The following RFTN1 variants were observed in gnomAD, a reference collection of about 807,000 sequenced individuals.
RFTN1 encodes the protein raftlin.
Under a neutral mutation model 46.5 loss-of-function variants are expected in RFTN1, and 26 were observed. That is an observed-to-expected ratio of 0.56 (90% confidence interval 0.41 to 0.78). The LOEUF is 0.78. RFTN1 is among the 30% of genes least tolerant of loss of function. RFTN1 has a pLI of 0.00. For synonymous variants in RFTN1, 261 were observed against 284.2 expected (o/e 0.92, Z 0.82); for missense variants, 693 against 718.7 (o/e 0.96, Z 0.41).
Position 16,402,749 on chromosome 3 carries a change from G to A in RFTN1, c.441+6626C>T, listed in dbSNP as rs1369346475. On this transcript the variant is annotated intron_variant, in intron 4 of 9. Coordinates refer to ENST00000334133, the MANE Select transcript of RFTN1 (RefSeq NM_015150.2). This position sits in a 1 kb window ranked among gnomAD's most constrained non-coding sequence, Gnocchi z 4.5. ...TCTGTCAAGGTGCTTTCTTTAGGTT[G>A]AGGCATAAGTAGCATCATTCGGTTT... is the stretch of plus-strand genomic sequence containing the variant. 6.6e-6 allele frequency among the ~76,000 whole-genome samples: 1 copy of A among 152,168 alleles called. No homozygotes were observed. Among genetic ancestry groups the A allele is most frequent in the Non-Finnish European group, 1.5e-5 (1 of 68,038 alleles).
intron 2 of RFTN1, among the ~76,000 whole-genome samples, chr3:16,435,431 G>A (rs1356406875): frequency 6.6e-6 from 1 of 152,132 alleles, no homozygotes; most frequent in East Asian, 1.9e-4. Flanking sequence ...TTAGTCCGGT[G>A]TGGTGGTGCA....
rs980886831 is a variant in RFTN1, at chr3:16,334,896, C to T, written c.1147-8020G>A. 6.6e-6 allele frequency among the ~76,000 whole-genome samples: 1 copy of T among 152,134 alleles called. No homozygotes were observed. The highest frequency in any genetic ancestry group is 6.5e-5 in the Admixed American group (1 of 15,274). On this transcript the variant is annotated intron_variant, in intron 7 of 9. Coordinates refer to ENST00000334133, the MANE Select transcript of RFTN1 (RefSeq NM_015150.2). This position sits in a 1 kb window ranked among gnomAD's most constrained non-coding sequence, Gnocchi z 4.3. ...TCCTTATAAGGACAGGCAGGAAGGC[C>T]AGAGTCAGAGGAAGAGATGTGATGG... is the stretch of plus-strand genomic sequence containing the variant.
In RFTN1 at chr3:16,387,570, T is replaced by TTCTTTCTCTCTCTCTCTCTCTCTC. The variant is rs1224689232; in HGVS notation, c.442-9469_442-9468insGAGAGAGAGAGAGAGAGAGAAAGA. ...CACTTCTCTCTTCTATATCCTCAAT[T>TTCTTTCTCTCTCTCTCTCTCTCTC]TCTCTCTCTCTCTCTCTCTCTCTCT... On this transcript the variant is annotated intron_variant, in intron 4 of 9. Coordinates refer to ENST00000334133, the MANE Select transcript of RFTN1 (RefSeq NM_015150.2). The surrounding 1 kb of genome is among the most constrained non-coding windows in gnomAD (Gnocchi z 5.2). 2.6e-5 allele frequency among the ~76,000 whole-genome samples: 3 copies of TTCTTTCTCTCTCTCTCTCTCTCTC among 116,502 alleles called. No individual in the cohort carries two copies. The highest frequency in any genetic ancestry group is 1.2e-4 in the African/African-American group (3 of 25,616). The allele number at this position is 116,502 out of a possible 152,430, so 76.4% of individuals were successfully genotyped here. A position where few individuals can be genotyped will look rare whatever the true frequency, so the allele number is the denominator to read the frequency against.
chr3:16,403,557 G>GACACAC lies in RFTN1; in HGVS notation c.441+5812_441+5817dup, dbSNP rs201161619. 7.1e-5 allele frequency among the ~76,000 whole-genome samples: 4 copies of GACACAC among 56,176 alleles called. 1 individual carries two copies. Among genetic ancestry groups the GACACAC allele is most frequent in the African/African-American group, 3.2e-4 (4 of 12,334 alleles). 36.9% of individuals were successfully genotyped at this position (56,176 alleles called of 152,430 possible). A position where few individuals can be genotyped will look rare whatever the true frequency, so the allele number is the denominator to read the frequency against. On this transcript the variant is annotated intron_variant, in intron 4 of 9. Coordinates refer to ENST00000334133, the MANE Select transcript of RFTN1 (RefSeq NM_015150.2). ...GCAGCATATGAGAGACAGAGACAGAGACACACACACACACACATATATTAT... is the reference window on the plus strand; with the variant it reads ...GCAGCATATGAGAGACAGAGACAGAGACACACACACACACACACACACATATATTAT...
chr3:16,482,350 A>T (rs1458765052), intron 2 of RFTN1, among the ~76,000 whole-genome samples: 1 of 152,236 alleles, frequency 6.6e-6, no homozygotes, highest in East Asian at 1.9e-4. Context: ...GACAATGCTC[A>T]ACCACTCAGT....
At chr3:16,439,026 C>T (rs2125506840) in intron 2 of RFTN1, among the ~76,000 whole-genome samples, 1 of 152,228 alleles carries the variant, frequency 6.6e-6, no homozygotes. Context: ...AAAGATGTAT[C>T]TCCTGTCAAA....
At chr3:16,476,252 G>T (rs2076280352) in intron 2 of RFTN1, among the ~76,000 whole-genome samples, 1 of 152,204 alleles carries the variant, frequency 6.6e-6, no homozygotes, top group African/African-American at 2.4e-5. Context: ...AAGCTGGTGT[G>T]CATGTGCAAG....
intron 2 of RFTN1, among the ~76,000 whole-genome samples, chr3:16,445,484 C>CACACAG (rs2075712204): frequency 1.7e-4 from 1 of 5,842 alleles, no homozygotes. Context: ...CTCTCTCTCT[C>CACACAG]ACACACACAC....
At chr3:16,435,171 T>C (rs947135648) in intron 2 of RFTN1, among the ~76,000 whole-genome samples, 1 of 152,232 alleles carries the variant, frequency 6.6e-6, no homozygotes, top group Non-Finnish European at 1.5e-5. Context: ...AATCAAAGAA[T>C]TCATACAAAA....
rs111535647 is a variant in RFTN1 at position 16,428,032 on chromosome 3, T to TC, written c.332+5818dup. On this transcript the variant is annotated intron_variant, in intron 3 of 9. Coordinates refer to ENST00000334133, the MANE Select transcript of RFTN1 (RefSeq NM_015150.2). The surrounding 1 kb of genome is among the most constrained non-coding windows in gnomAD (Gnocchi z 4.7). Reference sequence around the variant, plus strand: ...ATAATTTGCACATATATTTTGCAGCTCCCTAGTAGATAGATAAGTTTCTTG... The same window carrying TC: ...ATAATTTGCACATATATTTTGCAGCTCCCCTAGTAGATAGATAAGTTTCTTG... 0.18 allele frequency among the ~76,000 whole-genome samples: 27,599 copies of TC among 152,064 alleles called. 2,907 individuals are homozygous for TC. The highest frequency in any genetic ancestry group is 0.28 in the South Asian group (1,354 of 4,814).
At chr3:16,462,868 T>C (rs2076029463) in intron 2 of RFTN1, among the ~76,000 whole-genome samples, 1 of 152,138 alleles carries the variant, frequency 6.6e-6, no homozygotes, top group African/African-American at 2.4e-5. Flanking sequence ...AAGCCAAAGA[T>C]AAAGGTGCCT....
intron 5 of RFTN1, among the ~76,000 whole-genome samples, chr3:16,372,370 A>T (rs480301): frequency 0.51 from 76,939 of 151,990 alleles, 20,412 homozygotes; most frequent in African/African-American, 0.64. Context: ...TCACTCCTGA[A>T]TCATTAATTC....
At position 16,499,883 on chromosome 3, in the gene RFTN1, T is replaced by C. The variant is rs2076684075; in HGVS notation, c.-8-6006A>G. On this transcript the variant is annotated intron_variant, in intron 1 of 9. Transcript: ENST00000334133. This position sits in a 1 kb window ranked among gnomAD's most constrained non-coding sequence, Gnocchi z 4.9. ...GACATAAGTTTTCACTTCTCTAGGG[T>C]AAATACCTAAGAGTGGGGTTGTTGG... Among the ~76,000 whole-genome samples, 1 of 152,150 alleles carries C rather than the reference T, an allele frequency of 6.6e-6. No individual in the cohort carries two copies.
Position 16,345,788 on chromosome 3 carries a change from C to CTGTCTGTGTGTG in RFTN1, c.1146+12143_1146+12144insCACACACAGACA, listed in dbSNP as rs765619275. Among the ~76,000 whole-genome samples the CTGTCTGTGTGTG allele has an allele frequency of 5.5e-3, 693 of 126,960 alleles. 1 individual carries two copies. The highest frequency in any genetic ancestry group is 9.0e-3 in the Admixed American group (116 of 12,858). 83.3% of individuals were successfully genotyped at this position (126,960 alleles called of 152,430 possible). ...TGAGCCAAAACCTTATAATAAATCT[C>CTGTCTGTGTGTG]TGTGTGTGTGTGTGTGTGTGTGTGT... On this transcript the variant is annotated intron_variant, in intron 7 of 9. Transcript: ENST00000334133. The surrounding 1 kb of genome is among the most constrained non-coding windows in gnomAD (Gnocchi z 5.2).
intron 3 of RFTN1, 83 bp from the exon 4 acceptor site, chr3:16,409,566 G>A (rs543185501): frequency 2.1e-6 from 2 of 947,848 alleles, no homozygotes; most frequent in East Asian, 2.7e-5. Context: ...CACCCAGGCT[G>A]GAGTGCAATG....
intron 2 of RFTN1, among the ~76,000 whole-genome samples, chr3:16,445,934 T>TC (rs2075721119): frequency 6.6e-6 from 1 of 151,742 alleles, no homozygotes; most frequent in Non-Finnish European, 1.5e-5. Flanking sequence ...TTTTTTTTTT[T>TC]CCCTGTCTTG....
chr3:16,450,119 T>G lies in RFTN1; in HGVS notation c.146-16082A>C, dbSNP rs1259798889. 6.6e-6 allele frequency among the ~76,000 whole-genome samples: 1 copy of G among 152,192 alleles called. No individual in the cohort carries two copies. The highest frequency in any genetic ancestry group is 1.5e-5 in the Non-Finnish European group (1 of 68,030). On this transcript the variant is annotated intron_variant, in intron 2 of 9. Coordinates refer to ENST00000334133, the MANE Select transcript of RFTN1 (RefSeq NM_015150.2). The surrounding 1 kb of genome is among the most constrained non-coding windows in gnomAD (Gnocchi z 4.6). ...CCATCCCAATTTGTAAAATTAAATGTGCAAACAGAAAATATTTCTCTGAAA... is the reference window on the plus strand; with the variant it reads ...CCATCCCAATTTGTAAAATTAAATGGGCAAACAGAAAATATTTCTCTGAAA...
intron 7 of RFTN1, among the ~76,000 whole-genome samples, chr3:16,328,118 G>A (rs2069917023): frequency 6.6e-6 from 1 of 152,234 alleles, no homozygotes; most frequent in South Asian, 2.1e-4. Context: ...GGCTAGCAGG[G>A]GCAACAGCAC....
At chr3:16,323,667 G>A (rs2069346402) in intron 8 of RFTN1, among the ~76,000 whole-genome samples, 1 of 152,150 alleles carries the variant, frequency 6.6e-6, no homozygotes, top group Admixed American at 6.6e-5. Context: ...AGCTTTTTGG[G>A]TATCCCTACA....
Sources: allele counts gnomAD v4.1 joint callset (sites outside exome capture counted in the v4.1 genomes callset), GRCh38; gene constraint gnomAD v4.1.1; non-coding constraint Gnocchi (gnomAD v3.1); transcripts MANE v1.5; gene names NCBI Gene and HGNC (gene_info 2026-07-23, HGNC 2026-07-21).